KIAA1549: variants seen among roughly 807,000 people sequenced by gnomAD.
The protein encoded by KIAA1549 is KIAA1549.
In KIAA1549, 70 loss-of-function variants were observed where a neutral mutation model predicts 156.4. The ratio of observed to expected loss-of-function variants is 0.45; its 90% CI spans 0.37 to 0.55. The LOEUF (loss-of-function observed/expected upper bound fraction) is 0.55. KIAA1549 is among the 20% of genes least tolerant of loss of function. The pLI, the probability that KIAA1549 is intolerant of heterozygous loss-of-function variation, is 0.00. For missense variants in KIAA1549, 2,428 were observed against 2,540.9 expected, an observed-to-expected ratio of 0.96 and a Z score of 0.96; for synonymous variants, 1,103 against 1,066.4, an observed-to-expected ratio of 1.03 and a Z score of -0.67.
chr7:138,895,636 T>C (rs1811664013), intron 9 of KIAA1549, among the ~76,000 whole-genome samples: 1 of 152,042 alleles, frequency 6.6e-6, no homozygotes, highest in African/African-American at 2.4e-5. Flanking sequence ...GTGGTGATGG[T>C]TACACAGCCT....
Position 138,927,186 on chromosome 7 carries a change from T to C in KIAA1549, c.188-7748A>G, listed in dbSNP as rs6970171. 7.0e-3 allele frequency among the ~76,000 whole-genome samples: 1,068 copies of C among 152,366 alleles called. 24 individuals carry two copies. Among genetic ancestry groups the C allele is most frequent in the African/African-American group, 0.025 (1,029 of 41,586 alleles). On this transcript the variant is annotated intron_variant, in intron 1 of 19. Transcript: ENST00000422774. ...TTCAACATGAATTCCACCATATGAA[T>C]AGACCAAAATTTATCCATCTACAGT... is the stretch of plus-strand genomic sequence containing the variant.
intron 2 of KIAA1549, among the ~76,000 whole-genome samples, chr7:138,913,839 G>A (rs1193112657): frequency 6.6e-6 from 1 of 151,992 alleles, no homozygotes; most frequent in African/African-American, 2.4e-5. Flanking sequence ...AAGATAAAAT[G>A]AGGAGGAAGG....
In KIAA1549 at chr7:138,903,692, GA is replaced by G; in HGVS notation, c.3564del (p.Gln1189LysfsTer27). On this transcript the variant is annotated frameshift_variant, in exon 8 of 20. Transcript: ENST00000422774. LOFTEE classifies it high-confidence loss of function. Reference protein sequence around the residue: ...VMEKQLQNEVFQAEMERKLAQ... With the variant: ...VMEKQLQNEVXQAEMERKLAQ... The stretch of plus-strand genomic sequence containing the variant: ...GCCAGCTTGCGTTCCATCTCGGCTT[GA>G]AACACTTCATTCTGGAGTTGCTTCT... The G allele has an allele frequency of 6.2e-7, 1 of 1,607,828 alleles. No homozygotes were observed. The highest frequency in any genetic ancestry group is 8.5e-7 in the Non-Finnish European group (1 of 1,177,264).
rs187928803 is a variant in KIAA1549 at position 138,893,874 on chromosome 7, C to A, written c.4032+468G>T. Among the ~76,000 whole-genome samples, 442 of 152,348 alleles carry A rather than the reference C, an allele frequency of 2.9e-3. 2 individuals are homozygous for A. Among genetic ancestry groups the A allele is most frequent in the African/African-American group, 8.9e-3 (371 of 41,590 alleles). ...TCTTTTGAGGCCAGGAGTTCGAGAC[C>A]AGCCTCGCCAACATGGCAAAACCCT... is the stretch of plus-strand genomic sequence containing the variant. On this transcript the variant is annotated intron_variant, in intron 10 of 19. Transcript: ENST00000422774.
intron 10 of KIAA1549, among the ~76,000 whole-genome samples, chr7:138,884,044 G>T (rs1181006384): frequency 6.6e-6 from 1 of 152,136 alleles, no homozygotes; most frequent in Non-Finnish European, 1.5e-5. Flanking sequence ...CAACCTTCAG[G>T]GAGGGAAGAG....
chr7:138,879,394 G>C (rs117138030), intron 12 of KIAA1549, 144 bp downstream of exon 12: 4 of 593,416 alleles, frequency 6.7e-6, no homozygotes, highest in Non-Finnish European at 1.2e-5. Flanking sequence ...GTGACAACTG[G>C]TGCTAAGAAA....
At chr7:138,868,841 C>T (rs1223467060) in intron 14 of KIAA1549, among the ~76,000 whole-genome samples, 1 of 152,136 alleles carries the variant, frequency 6.6e-6, no homozygotes, top group South Asian at 2.1e-4. Flanking sequence ...GCTACCAGGC[C>T]GTCTCCTGGG....
At chr7:138,871,102 C>G (rs1563057011) in intron 13 of KIAA1549, 55 bp downstream of exon 13, 2 of 1,539,358 alleles carry the variant, frequency 1.3e-6, no homozygotes, top group African/African-American at 2.7e-5. Context: ...CAGGCATAAG[C>G]CACCGGGCTT....
At chr7:138,933,965 C>A (rs1812940382) in intron 1 of KIAA1549, among the ~76,000 whole-genome samples, 1 of 152,006 alleles carries the variant, frequency 6.6e-6, no homozygotes, top group Non-Finnish European at 1.5e-5. Context: ...GATTCTGTCT[C>A]AAAAATAATA....
chr7:138,916,584 G>A (rs1812326103), intron 2 of KIAA1549, among the ~76,000 whole-genome samples, 164 bp downstream of exon 2: 1 of 152,218 alleles, frequency 6.6e-6, no homozygotes, highest in Non-Finnish European at 1.5e-5. Flanking sequence ...ATAAATAACT[G>A]TTCTGAGAAC....
chr7:138,919,588 G>A (rs964956568), intron 1 of KIAA1549, 150 bp from the exon 2 acceptor site: 3 of 1,319,708 alleles, frequency 2.3e-6, no homozygotes, highest in Non-Finnish European at 3.1e-6. Flanking sequence ...CAGCTAGCTG[G>A]AAACGAGAAA....
intron 2 of KIAA1549, among the ~76,000 whole-genome samples, chr7:138,914,338 AAATG>A (rs1238437173): frequency 6.6e-6 from 1 of 152,342 alleles, no homozygotes; most frequent in Non-Finnish European, 1.5e-5. Context: ...ATCTTTTCCT[AAATG>A]AATGTTTCCC....
In KIAA1549 at chr7:138,868,051, C is replaced by T. The variant is rs371041410; in HGVS notation, c.4853G>A (p.Arg1618Gln). 4.3e-6 allele frequency: 7 copies of T among 1,613,828 alleles called. No homozygotes were observed. The highest frequency in any genetic ancestry group is 2.2e-5 in the East Asian group (1 of 44,902). The change falls in exon 15 of 20, where the codon CGG becomes CAG. Residue 1618 changes from arginine to glutamine, a missense_variant. Transcript: ENST00000422774. ...GCCATCGCTGTCTGTGGTGATGAGC[C>T]GGTCCTTCTCAGCGTCGGCAGGACA... ...NGCPADAEKD[R>Q]LITTDSDGTY...
At chr7:138,937,365 T>C (rs894929866) in intron 1 of KIAA1549, among the ~76,000 whole-genome samples, 1 of 152,208 alleles carries the variant, frequency 6.6e-6, no homozygotes, top group Admixed American at 6.5e-5. Flanking sequence ...CTTATCAGTG[T>C]GCCTCCCATG....
At chr7:138,944,266 C>T (rs1229767498) in intron 1 of KIAA1549, among the ~76,000 whole-genome samples, 2 of 152,146 alleles carry the variant, frequency 1.3e-5, no homozygotes, top group Non-Finnish European at 2.9e-5. Flanking sequence ...AATAACTTTT[C>T]ACTCAAAAGC....
chr7:138,854,406 CAACT>C (rs1331125859), intron 16 of KIAA1549, among the ~76,000 whole-genome samples: 1 of 152,130 alleles, frequency 6.6e-6, no homozygotes, highest in Non-Finnish European at 1.5e-5. Context: ...GCAGCAATAC[CAACT>C]ATCACGTGGC....
chr7:138,844,459 G>A lies in KIAA1549; in HGVS notation c.5310C>T (p.Pro1770=). The change falls in exon 18 of 20, where the codon CCC becomes CCT. Residue 1770 remains proline, a synonymous_variant. Transcript: ENST00000422774. ...TGPLPRPGFG[P]GLLQSTELVP... ...CCAGCTCTGTAGACTGCAGCAAACC[G>A]GGGCCAAAACCTGGTCTGAAGGCAA... 2.0e-6 allele frequency: 3 copies of A among 1,535,802 alleles called. No homozygotes were observed. Among genetic ancestry groups the A allele is most frequent in the South Asian group, 1.3e-5 (1 of 77,560 alleles).
At chr7:138,903,853 G>C (rs1010039719) in intron 7 of KIAA1549, 117 bp from the exon 8 acceptor site, 30 of 360,350 alleles carry the variant, frequency 8.3e-5, no homozygotes, top group Admixed American at 2.7e-4. Flanking sequence ...GTGTGTGTGT[G>C]CGCGCGCGCG....
chr7:138,870,377 AT>A (rs1810892578), intron 13 of KIAA1549, among the ~76,000 whole-genome samples: 1 of 152,234 alleles, frequency 6.6e-6, no homozygotes, highest in South Asian at 2.1e-4. Context: ...AACCTTGGAA[AT>A]CGGCCAATGA....
Sources: gnomAD v4.1 joint callset for allele counts (sites outside exome capture counted in the v4.1 genomes callset) on GRCh38, gnomAD v4.1.1 for gene constraint, MANE v1.5 for transcripts, NCBI Gene and HGNC (gene_info 2026-07-23, HGNC 2026-07-21) for gene names.